TRMU: variants seen among roughly 807,000 people sequenced by gnomAD.
The protein encoded by TRMU is tRNA mitochondrial 2-thiouridylase.
TRMU carries 49 observed loss-of-function variants against 46.9 expected under a neutral mutation model. The observed-to-expected ratio is 1.05, with a 90% confidence interval of 0.83 to 1.33. The LOEUF (loss-of-function observed/expected upper bound fraction) is 1.33. Ranked by LOEUF, TRMU falls within the 40% of genes most tolerant of loss-of-function variation. The pLI is 0.00. For synonymous variants in TRMU, 241 were observed against 200.9 expected (o/e 1.20, Z -1.69); for missense variants, 572 against 532.4 (o/e 1.07, Z -0.73).
chr22:46,349,568 C>T lies in TRMU; in HGVS notation c.479-723C>T, dbSNP rs142815868. Among the ~76,000 whole-genome samples the T allele has an allele frequency of 2.0e-3, 309 of 152,308 alleles. 1 individual carries two copies. The highest frequency in any genetic ancestry group is 6.9e-3 in the African/African-American group (288 of 41,574). On this transcript the variant is annotated intron_variant, in intron 4 of 10. Coordinates refer to ENST00000645190, the MANE Select transcript of TRMU (RefSeq NM_018006.5). The surrounding 1 kb of genome is among the most constrained non-coding windows in gnomAD (Gnocchi z 4.6). ...TGAAAGAAGCCAGAAAACTGACGTT[C>T]GTCTTAGTTTTTTGCCATTGATCAT...
At chr22:46,346,694 A>G (rs2147056317) in intron 4 of TRMU, 150 bp downstream of exon 4, 1 of 994,530 alleles carries the variant, frequency 1.0e-6, no homozygotes, top group Non-Finnish European at 1.5e-6. Context: ...GAAAAGGTGC[A>G]GTTACCAAGA....
chr22:46,347,173 T>G lies in TRMU; in HGVS notation c.478+629T>G, dbSNP rs529104001. Among the ~76,000 whole-genome samples, 3 of 152,244 alleles carry G rather than the reference T, an allele frequency of 2.0e-5. No homozygotes were observed. The East Asian group carries it at 5.8e-4, about 29-fold the overall frequency. On this transcript the variant is annotated intron_variant, in intron 4 of 10. Coordinates refer to ENST00000645190, the MANE Select transcript of TRMU (RefSeq NM_018006.5). The surrounding 1 kb of genome is among the most constrained non-coding windows in gnomAD (Gnocchi z 5.0). ...TGTTGAGTGAAAAACCAAGTGGGGC[T>G]CAGAGCCGTGTTTCCGCACGGAGCG...
At chr22:46,340,992 C>G (rs1438944332) in intron 2 of TRMU, among the ~76,000 whole-genome samples, 1 of 152,254 alleles carries the variant, frequency 6.6e-6, no homozygotes, top group Non-Finnish European at 1.5e-5. Context: ...TAGTAGGGCT[C>G]TCTAGCTCAG....
At position 46,343,379 on chromosome 22, in the gene TRMU, T is replaced by A; in HGVS notation, c.355+11T>A. 1.2e-6 allele frequency: 2 copies of A among 1,606,840 alleles called. No individual in the cohort carries two copies. Among genetic ancestry groups the A allele is most frequent in the Non-Finnish European group, 1.7e-6 (2 of 1,173,632 alleles). Reference sequence around the variant, plus strand: ...CTGTGGATAATCTTGGTAAGTAATTTGGGTTTAAAACATTTTTTTTTTTAA... The same window carrying A: ...CTGTGGATAATCTTGGTAAGTAATTAGGGTTTAAAACATTTTTTTTTTTAA... On this transcript the variant is annotated intron_variant, in intron 3 of 10. Transcript: ENST00000645190.
intron 3 of TRMU, among the ~76,000 whole-genome samples, chr22:46,345,852 C>T (rs1226568031): frequency 6.6e-6 from 1 of 151,776 alleles, no homozygotes; most frequent in Admixed American, 6.6e-5. Context: ...CCTGCAGCCT[C>T]AACCTCCCAG....
rs997708156 is a variant in TRMU at position 46,338,561 on chromosome 22, C to T, written c.248+617C>T. Among the ~76,000 whole-genome samples, 1 of 152,190 alleles carries T rather than the reference C, an allele frequency of 6.6e-6. No individual in the cohort carries two copies. The highest frequency in any genetic ancestry group is 1.5e-5 in the Non-Finnish European group (1 of 68,048). ...GAAGTACCAGTGATGCTATCAGTCA[C>T]TGAACCCAGAGGAGGGAGAAACTTG... On this transcript the variant is annotated intron_variant, in intron 2 of 10. Transcript: ENST00000645190. The surrounding 1 kb of genome is among the most constrained non-coding windows in gnomAD (Gnocchi z 4.5).
At position 46,343,391 on chromosome 22, in the gene TRMU, A is replaced by AT. The variant is rs546643548; in HGVS notation, c.355+34dup. The AT allele has an allele frequency of 0.02, 24,007 of 1,202,970 alleles. No individual in the cohort carries two copies. The highest frequency in any genetic ancestry group is 0.023 in the Non-Finnish European group (20,098 of 879,282). The allele number at this position is 1,202,970 out of a possible 1,614,324, so 74.5% of individuals were successfully genotyped here. A position where few individuals can be genotyped will look rare whatever the true frequency, so the allele number is the denominator to read the frequency against. ...TTGGTAAGTAATTTGGGTTTAAAAC[A>AT]TTTTTTTTTTTAAAGACAGGGTCTC... On this transcript the variant is annotated intron_variant, in intron 3 of 10. Transcript: ENST00000645190.
chr22:46,340,945 T>C (rs545969502), intron 2 of TRMU, among the ~76,000 whole-genome samples: 3 of 152,358 alleles, frequency 2.0e-5, no homozygotes, highest in African/African-American at 7.2e-5. Context: ...CAGCTGCCCG[T>C]GGAGGCATTG....
intron 3 of TRMU, 59 bp from the exon 4 acceptor site, chr22:46,346,363 G>T: frequency 6.3e-7 from 1 of 1,590,660 alleles, no homozygotes; most frequent in South Asian, 1.1e-5. Context: ...GGTTTATGCT[G>T]ATCAAGGCCT....
chr22:46,335,896 AACC>A, intron 1 of TRMU, 50 bp downstream of exon 1: 1 of 1,529,504 alleles, frequency 6.5e-7, no homozygotes, highest in South Asian at 1.2e-5. Flanking sequence ...TGTCCCCGGA[AACC>A]TGTCCCCGTC....
In TRMU at chr22:46,357,064, T is replaced by G. The variant is rs1237766418; in HGVS notation, c.*58T>G. On this transcript the variant is annotated 3_prime_UTR_variant, in exon 11 of 11. Transcript: ENST00000645190. ...GCAGGACCCATGGCTGGGCGGCTGG[T>G]GAGCAGTCCAGGTGCCCAAGGGCCA... 2.3e-5 allele frequency: 37 copies of G among 1,606,858 alleles called. No individual in the cohort carries two copies. The highest frequency in any genetic ancestry group is 3.1e-5 in the Non-Finnish European group (37 of 1,176,502).
intron 8 of TRMU, chr22:46,355,089 C>A (rs75449257): frequency 0.014 from 5,443 of 377,574 alleles, 282 homozygotes; most frequent in African/African-American, 0.1. Flanking sequence ...AATAGAAAAA[C>A]CAGTCCTCGA....
At chr22:46,346,338 C>T (rs1041538316) in intron 3 of TRMU, 84 bp from the exon 4 acceptor site, 2 of 1,541,768 alleles carry the variant, frequency 1.3e-6, no homozygotes, top group Non-Finnish European at 1.8e-6. Flanking sequence ...GGTCTATACT[C>T]TTCTTTTGTG....
chr22:46,347,546 G>A lies in TRMU; in HGVS notation c.478+1002G>A, dbSNP rs558840659. On this transcript the variant is annotated intron_variant, in intron 4 of 10. Coordinates refer to ENST00000645190, the MANE Select transcript of TRMU (RefSeq NM_018006.5). This position sits in a 1 kb window ranked among gnomAD's most constrained non-coding sequence, Gnocchi z 5.0. The stretch of plus-strand genomic sequence containing the variant: ...TCATTTTTTGTAGAGATGAGGTCTC[G>A]TTAATGTTGTCCGTGCTGGTCTTGA... The A allele has an allele frequency of 5.9e-4, 89 of 151,992 alleles. No homozygotes were observed. In the Middle Eastern group the frequency reaches 0.014, roughly 23 times the overall value. The allele number at this position is 151,992 out of a possible 1,614,324, so 9.4% of individuals were successfully genotyped here.
At chr22:46,356,526 T>C in intron 10 of TRMU, 2 of 456,268 alleles carry the variant, frequency 4.4e-6, no homozygotes, top group Non-Finnish European at 8.0e-6. Flanking sequence ...GCTGCCACCA[T>C]GCTCCTTCCT....
intron 3 of TRMU, among the ~76,000 whole-genome samples, chr22:46,345,979 G>C (rs2078245285): frequency 6.6e-6 from 1 of 151,964 alleles, no homozygotes; most frequent in Admixed American, 6.6e-5. Context: ...TGTTGCCCAG[G>C]CTGGTCTTGA....
rs2078442738 is a variant in TRMU at position 46,352,028 on chromosome 22, C to G, written c.652-93C>G. 3 of 1,424,174 alleles carry G rather than the reference C, an allele frequency of 2.1e-6. No individual in the cohort carries two copies. In the East Asian group the frequency reaches 6.8e-5, roughly 32 times the overall value. 88.2% of individuals were successfully genotyped at this position (1,424,174 alleles called of 1,614,324 possible). On this transcript the variant is annotated intron_variant, in intron 5 of 10. Transcript: ENST00000645190. ...CCTGGAAGCAAAGTGTGGGGTGAGG[C>G]CGGGAGGCCCCAGGGCCCGCTCAGG...
rs111285746 is a variant in TRMU, at chr22:46,355,145, T to G, written c.874-299T>G. ...CACAGGTGGTTGCAGGTAGAGGGCC[T>G]GAGTCAGACTTGAACCTGCAGCATT... On this transcript the variant is annotated intron_variant, in intron 8 of 10. Transcript: ENST00000645190. The G allele has an allele frequency of 5.2e-3, 2,722 of 519,658 alleles. 65 individuals carry two copies. Among genetic ancestry groups the G allele is most frequent in the African/African-American group, 0.047 (2,481 of 52,274 alleles). The allele number at this position is 519,658 out of a possible 1,614,324, so 32.2% of individuals were successfully genotyped here.
At position 46,336,825 on chromosome 22, in the gene TRMU, T is replaced by C. The variant is rs2077991512; in HGVS notation, c.83-954T>C. Among the ~76,000 whole-genome samples the C allele has an allele frequency of 6.6e-6, 1 of 151,994 alleles. No homozygotes were observed. The highest frequency in any genetic ancestry group is 1.5e-5 in the Non-Finnish European group (1 of 68,012). On this transcript the variant is annotated intron_variant, in intron 1 of 10. Transcript: ENST00000645190. This position sits in a 1 kb window ranked among gnomAD's most constrained non-coding sequence, Gnocchi z 4.1. ...GAAAGCATCCTAGAGATGGAGGTGC[T>C]CAGCTGAGTCGAAAGAAGAGTAGGA...
Sources: allele counts gnomAD v4.1 joint callset (sites outside exome capture counted in the v4.1 genomes callset), GRCh38; gene constraint gnomAD v4.1.1; non-coding constraint Gnocchi (gnomAD v3.1); transcripts MANE v1.5; gene names NCBI Gene and HGNC (gene_info 2026-07-23, HGNC 2026-07-21).